The following SLC36A2 variants were observed in gnomAD, a reference collection of about 807,000 sequenced individuals.
SLC36A2 encodes the protein proton-coupled amino acid transporter 2.
SLC36A2 carries 39 observed loss-of-function variants against 42.7 expected under a neutral mutation model. That is an observed-to-expected ratio of 0.91 (90% CI 0.71 to 1.19). The LOEUF (loss-of-function observed/expected upper bound fraction) is 1.19. Among genes scored for constraint, SLC36A2 ranks in the 50% most tolerant of loss-of-function variants. The probability of loss-of-function intolerance (pLI) is 0.00; values close to 1 mark genes in which losing one functional copy is unlikely to be tolerated. For missense variants in SLC36A2, 590 were observed against 613.7 expected, an observed-to-expected ratio of 0.96 and a Z score of 0.41; for synonymous variants, 237 against 240.8, an observed-to-expected ratio of 0.98 and a Z score of 0.15.
At chr5:151,337,220 G>C (rs992229371) in intron 5 of SLC36A2, among the ~76,000 whole-genome samples, 8 of 151,952 alleles carry the variant, frequency 5.3e-5, no homozygotes, top group Non-Finnish European at 1.2e-4. Context: ...GCTTCTCCTG[G>C]GCAATCCCAT....
rs1462359907 is a variant in SLC36A2, at chr5:151,343,523, G to A, written c.331C>T (p.Arg111Cys). The A allele has an allele frequency of 9.9e-6, 16 of 1,614,014 alleles. No individual in the cohort carries two copies. The highest frequency in any genetic ancestry group is 2.2e-5 in the East Asian group (1 of 44,886). The change falls in exon 3 of 10, where the codon CGC (arginine) becomes TGC (cysteine). Residue 111 changes from arginine to cysteine, a missense_variant. Coordinates refer to ENST00000335244, the MANE Select transcript of SLC36A2 (RefSeq NM_181776.3). ...TGTTTTCCTCACCTCTTACAGAAGC[G>A]CTGGGCACACTTGACCAGGATGTGC... ...CMHILVKCAQ[R>C]FCKRLNKPFM... is the part of the protein sequence containing the mutation.
Position 151,335,246 on chromosome 5 carries a change from G to T in SLC36A2, c.744+83C>A, listed in dbSNP as rs1260365756. 2.9e-5 allele frequency: 29 copies of T among 990,470 alleles called. No homozygotes were observed. The Admixed American group carries it at 5.6e-4, about 19-fold the overall frequency. 61.4% of individuals were successfully genotyped at this position (990,470 alleles called of 1,614,324 possible). On this transcript the variant is annotated intron_variant, in intron 6 of 9. Coordinates refer to ENST00000335244, the MANE Select transcript of SLC36A2 (RefSeq NM_181776.3). ...AACACTCTTACCCACCTACAGGGTT[G>T]GCTCCAGGTATCTAAAGCTCAGTCT...
At chr5:151,343,231 A>C (rs1278594101) in intron 3 of SLC36A2, among the ~76,000 whole-genome samples, 1 of 152,192 alleles carries the variant, frequency 6.6e-6, no homozygotes. Flanking sequence ...TAGTTTTCAT[A>C]TCCATGATCC....
In SLC36A2 at chr5:151,325,338, G is replaced by A. The variant is rs141645834; in HGVS notation, c.958C>T (p.Arg320Trp). 2.1e-4 allele frequency: 332 copies of A among 1,613,956 alleles called. No individual in the cohort carries two copies. Among genetic ancestry groups the A allele is most frequent in the African/African-American group, 4.9e-4 (37 of 75,028 alleles). ...YIGMAALGYL[R>W]FGDDIKASIS... ...CTGGCCTTGATGTCATCTCCAAACCGCAGGTAGCCCAGAGCCGCCATGCCA... is the reference window on the plus strand; with the variant it reads ...CTGGCCTTGATGTCATCTCCAAACCACAGGTAGCCCAGAGCCGCCATGCCA... The change falls in exon 8 of 10, where the codon CGG becomes TGG. Residue 320 changes from arginine (R) to tryptophan (W), a missense_variant. Coordinates refer to ENST00000335244, the MANE Select transcript of SLC36A2 (RefSeq NM_181776.3).
At chr5:151,334,488 C>T (rs981232670) in intron 6 of SLC36A2, among the ~76,000 whole-genome samples, 1 of 151,976 alleles carries the variant, frequency 6.6e-6, no homozygotes, top group Non-Finnish European at 1.5e-5. Context: ...GTCAGGAGTT[C>T]GAGACCAGCC....
chr5:151,325,760 A>C (rs1232903955), intron 7 of SLC36A2, among the ~76,000 whole-genome samples: 1 of 152,194 alleles, frequency 6.6e-6, no homozygotes, highest in Admixed American at 6.5e-5. Context: ...ATTATTGCTG[A>C]GTGAAATAAG....
At chr5:151,329,521 G>A (rs1384347789) in intron 7 of SLC36A2, among the ~76,000 whole-genome samples, 2 of 151,978 alleles carry the variant, frequency 1.3e-5, no homozygotes, top group Non-Finnish European at 2.9e-5. Context: ...CTTTAAAGCA[G>A]GTAATATAAC....
At chr5:151,324,306 CTTATTTAT>C (rs58169831) in intron 8 of SLC36A2, among the ~76,000 whole-genome samples, 2,063 of 140,898 alleles carry the variant, frequency 0.015, 48 homozygotes, top group African/African-American at 0.049. Flanking sequence ...CCATGCCTGG[CTTATTTAT>C]TTATTTATTT....
chr5:151,337,385 C>A (rs1756190856), intron 5 of SLC36A2, among the ~76,000 whole-genome samples: 1 of 152,174 alleles, frequency 6.6e-6, no homozygotes, highest in Non-Finnish European at 1.5e-5. Context: ...TGCACCCTGA[C>A]CTCACGTTGT....
At chr5:151,327,386 A>G (rs1166220101) in intron 7 of SLC36A2, among the ~76,000 whole-genome samples, 2 of 152,164 alleles carry the variant, frequency 1.3e-5, no homozygotes, top group African/African-American at 4.8e-5. Flanking sequence ...TCCTATAGCA[A>G]TGGGTATATT....
intron 2 of SLC36A2, 89 bp from the exon 3 acceptor site, chr5:151,343,687 T>G: frequency 8.3e-7 from 1 of 1,210,214 alleles, no homozygotes; most frequent in Non-Finnish European, 1.2e-6. Flanking sequence ...AGTGCTGATA[T>G]CATGCAGAAC....
chr5:151,340,221 GGAGGAGGAA>G (rs1756298129), intron 4 of SLC36A2, among the ~76,000 whole-genome samples: 1 of 148,014 alleles, frequency 6.8e-6, no homozygotes, highest in Non-Finnish European at 1.5e-5. Flanking sequence ...AGGAGGGAGA[GGAGGAGGAA>G]GGGGAGGAGG....
intron 7 of SLC36A2, among the ~76,000 whole-genome samples, chr5:151,326,050 TAAAA>T (rs1755842833): frequency 6.6e-6 from 1 of 150,580 alleles, no homozygotes; most frequent in Non-Finnish European, 1.5e-5. Flanking sequence ...AAAAAGGAAA[TAAAA>T]GAGGAGGAAA....
At chr5:151,328,080 C>T (rs1258930509) in intron 7 of SLC36A2, among the ~76,000 whole-genome samples, 2 of 152,210 alleles carry the variant, frequency 1.3e-5, no homozygotes, top group Non-Finnish European at 2.9e-5. Flanking sequence ...GAGAGTAGCC[C>T]TGGCCAAAGC....
At chr5:151,321,724 G>A (rs1554097340) in intron 9 of SLC36A2, among the ~76,000 whole-genome samples, 1 of 150,292 alleles carries the variant, frequency 6.7e-6, no homozygotes. Flanking sequence ...TGTTGCCCAG[G>A]CTGGAGTGCA....
Position 151,316,740 on chromosome 5 carries a change from CAAAAAAAAAAA to C in SLC36A2, c.*66_*76del, listed in dbSNP as rs33912867. 31 of 896,206 alleles carry C rather than the reference CAAAAAAAAAAA, an allele frequency of 3.5e-5. No individual in the cohort carries two copies. The highest frequency in any genetic ancestry group is 2.0e-4 in the East Asian group (5 of 25,398). 55.5% of individuals were successfully genotyped at this position (896,206 alleles called of 1,614,324 possible). A position where few individuals can be genotyped will look rare whatever the true frequency, so the allele number is the denominator to read the frequency against. ...GGGCAACAAGACAGAAACTCCGTCT[CAAAAAAAAAAA>C]AAAAAAAAAAAAGAGATCCATATAA... On this transcript the variant is annotated 3_prime_UTR_variant, in exon 10 of 10. Transcript: ENST00000335244.
chr5:151,317,033 G>T lies in SLC36A2; in HGVS notation c.1236C>A (p.Ser412=), dbSNP rs139985763. 169 of 1,614,086 alleles carry T rather than the reference G, an allele frequency of 1.0e-4. No individual in the cohort carries two copies. In the African/African-American group the frequency reaches 1.8e-3, roughly 17 times the overall value. The change falls in exon 10 of 10, where the codon TCC becomes TCA. Residue 412 remains serine (S), a synonymous_variant. Transcript: ENST00000335244. ...RLDLVISLVG[S]VSGTALALII... is the part of the protein sequence containing the mutation. ...TGAGGGCCAGGGCGGTGCCACTCAC[G>T]GAGCCCACCAGGGAGATGACCAGGT...
At chr5:151,333,151 C>G in intron 7 of SLC36A2, 73 bp downstream of exon 7, 2 of 1,359,758 alleles carry the variant, frequency 1.5e-6, no homozygotes, top group Non-Finnish European at 1.1e-6. Context: ...CACAGAAACC[C>G]AGAGCTCACA....
intron 1 of SLC36A2, 135 bp downstream of exon 1, chr5:151,347,162 T>G: frequency 9.5e-7 from 1 of 1,058,078 alleles, no homozygotes; most frequent in South Asian, 1.3e-5. Context: ...ACTCAGCCCA[T>G]GACTGCACCT....
Sources: allele counts gnomAD v4.1 joint callset (sites outside exome capture counted in the v4.1 genomes callset), GRCh38; gene constraint gnomAD v4.1.1; transcripts MANE v1.5; gene names NCBI Gene and HGNC (gene_info 2026-07-23, HGNC 2026-07-21).